PPP1R16B: variants seen among roughly 807,000 people sequenced by gnomAD.
PPP1R16B encodes protein phosphatase 1 regulatory subunit 16B, also known as protein phosphatase 1 regulatory inhibitor subunit 16B.
Under a neutral mutation model 61.7 loss-of-function variants are expected in PPP1R16B, and 14 were observed. The ratio of observed to expected loss-of-function variants is 0.23; its 90% CI spans 0.15 to 0.35. PPP1R16B has a LOEUF of 0.35. PPP1R16B is among the 10% of genes least tolerant of loss of function. PPP1R16B has a pLI of 1.00. For synonymous variants in PPP1R16B, 266 were observed against 305.3 expected, an observed-to-expected ratio of 0.87 and a Z score of 1.34; for missense variants, 547 against 752.5, an observed-to-expected ratio of 0.73 and a Z score of 3.19.
chr20:38,909,068 T>C (rs745625591), intron 10 of PPP1R16B, among the ~76,000 whole-genome samples: 1 of 152,120 alleles, frequency 6.6e-6, no homozygotes, highest in Non-Finnish European at 1.5e-5. Context: ...GTGGCATGAT[T>C]ATAGATCACT....
At chr20:38,903,067 G>A (rs985344220) in intron 6 of PPP1R16B, among the ~76,000 whole-genome samples, 1 of 152,186 alleles carries the variant, frequency 6.6e-6, no homozygotes, top group Non-Finnish European at 1.5e-5. Flanking sequence ...TTGAGCCTGG[G>A]AGTTTGAGTT....
intron 6 of PPP1R16B, among the ~76,000 whole-genome samples, chr20:38,903,972 G>A (rs947659353): frequency 3.3e-5 from 5 of 152,130 alleles, no homozygotes; most frequent in Non-Finnish European, 7.4e-5. Context: ...CAGCAGTCTC[G>A]GGATCTCGAG....
At chr20:38,896,754 A>AT (rs2145769118) in intron 4 of PPP1R16B, among the ~76,000 whole-genome samples, 1 of 152,280 alleles carries the variant, frequency 6.6e-6, no homozygotes, top group East Asian at 1.9e-4. Context: ...TGTACCCATC[A>AT]AACAGTAATT....
At chr20:38,851,768 C>T (rs2084970459) in intron 2 of PPP1R16B, among the ~76,000 whole-genome samples, 1 of 152,210 alleles carries the variant, frequency 6.6e-6, no homozygotes, top group South Asian at 2.1e-4. Context: ...TACCTGTAAT[C>T]CCAGCACTTT....
chr20:38,811,302 G>C (rs1296299940), intron 1 of PPP1R16B, among the ~76,000 whole-genome samples: 1 of 152,070 alleles, frequency 6.6e-6, no homozygotes, highest in East Asian at 1.9e-4. Flanking sequence ...CTTTTACATG[G>C]GGGCAAAGTT....
chr20:38,821,157 C>T (rs1007742090), intron 1 of PPP1R16B, among the ~76,000 whole-genome samples: 3 of 152,122 alleles, frequency 2.0e-5, no homozygotes, highest in Non-Finnish European at 4.4e-5. Flanking sequence ...TTGAGAACGT[C>T]TTTCCTAACA....
chr20:38,899,543 A>G (rs1306381343), intron 4 of PPP1R16B, among the ~76,000 whole-genome samples: 1 of 152,226 alleles, frequency 6.6e-6, no homozygotes, highest in African/African-American at 2.4e-5. Context: ...GGCCATTCTT[A>G]GGAACCACTG....
chr20:38,843,723 CAT>C (rs1314697138), intron 2 of PPP1R16B, among the ~76,000 whole-genome samples: 3 of 151,482 alleles, frequency 2.0e-5, no homozygotes, highest in Admixed American at 6.6e-5. Context: ...AAAACCACCA[CAT>C]GTTAACATAA....
In PPP1R16B at chr20:38,835,970, GA is replaced by G; in HGVS notation, c.47del (p.Lys16ArgfsTer19). On this transcript the variant is annotated frameshift_variant, in exon 2 of 11. Coordinates refer to ENST00000299824, the MANE Select transcript of PPP1R16B (RefSeq NM_015568.4). LOFTEE classifies it high-confidence loss of function. ...DLLTELQLLE[K>X]VPTLERLRAA... Reference sequence around the variant, plus strand: ...TGCTGACGGAGCTGCAGCTGCTGGAGAAGGTGCCCACGCTGGAGCGGCTGCG... The same window carrying G: ...TGCTGACGGAGCTGCAGCTGCTGGAGAGGTGCCCACGCTGGAGCGGCTGCG... 6.5e-7 allele frequency: 1 copy of G among 1,549,320 alleles called. No homozygotes were observed.
chr20:38,890,816 G>C (rs1451985882), intron 3 of PPP1R16B, among the ~76,000 whole-genome samples: 2 of 152,204 alleles, frequency 1.3e-5, no homozygotes, highest in Non-Finnish European at 2.9e-5. Flanking sequence ...CAGGCAACCA[G>C]AACCCTGGGC....
chr20:38,852,450 G>C (rs2084975190), intron 2 of PPP1R16B, among the ~76,000 whole-genome samples: 1 of 152,164 alleles, frequency 6.6e-6, no homozygotes, highest in Non-Finnish European at 1.5e-5. Context: ...AGAAACTGCT[G>C]TTGGTAGGCT....
chr20:38,831,599 T>C (rs951085040), intron 1 of PPP1R16B, among the ~76,000 whole-genome samples: 2 of 152,136 alleles, frequency 1.3e-5, no homozygotes, highest in Non-Finnish European at 2.9e-5. Flanking sequence ...TTGGGGACTA[T>C]GGTAATGGAG....
intron 2 of PPP1R16B, among the ~76,000 whole-genome samples, chr20:38,860,199 C>G (rs550026390): frequency 3.3e-5 from 5 of 152,124 alleles, no homozygotes; most frequent in Non-Finnish European, 7.4e-5. Context: ...AACTTCTGAC[C>G]TCAGGTGATC....
At chr20:38,902,970 T>A (rs1257274324) in intron 6 of PPP1R16B, among the ~76,000 whole-genome samples, 178 bp downstream of exon 6, 4 of 152,352 alleles carry the variant, frequency 2.6e-5, no homozygotes, top group Non-Finnish European at 2.9e-5. Flanking sequence ...GCTCAGCCTC[T>A]TTGAGAACCT....
intron 2 of PPP1R16B, among the ~76,000 whole-genome samples, chr20:38,863,237 A>G (rs1383953687): frequency 6.6e-6 from 1 of 152,172 alleles, no homozygotes; most frequent in East Asian, 1.9e-4. Context: ...CCCAGAAGGC[A>G]ACTTCCTGGG....
At chr20:38,859,234 T>A (rs541264495) in intron 2 of PPP1R16B, among the ~76,000 whole-genome samples, 1 of 152,088 alleles carries the variant, frequency 6.6e-6, no homozygotes, top group Non-Finnish European at 1.5e-5. Flanking sequence ...CCAGCACGGG[T>A]ATTCATGCTT....
chr20:38,864,998 G>T (rs1028957013), intron 2 of PPP1R16B, among the ~76,000 whole-genome samples: 1 of 152,186 alleles, frequency 6.6e-6, no homozygotes, highest in Non-Finnish European at 1.5e-5. Flanking sequence ...CATGCCGGTG[G>T]CCTCGGCCCT....
chr20:38,911,156 T>A (rs1454129216), intron 10 of PPP1R16B, among the ~76,000 whole-genome samples: 1 of 149,732 alleles, frequency 6.7e-6, no homozygotes, highest in East Asian at 2.0e-4. Context: ...TCATTCTTGT[T>A]TTTTTTTTCT....
intron 2 of PPP1R16B, among the ~76,000 whole-genome samples, chr20:38,873,885 C>T (rs112922750): frequency 5.3e-5 from 8 of 152,130 alleles, no homozygotes; most frequent in African/African-American, 1.9e-4. Context: ...TGTGCCACCA[C>T]ACTCGGCTAA....
Sources: allele counts gnomAD v4.1 joint callset (sites outside exome capture counted in the v4.1 genomes callset), GRCh38; gene constraint gnomAD v4.1.1; transcripts MANE v1.5; gene names NCBI Gene and HGNC (gene_info 2026-07-23, HGNC 2026-07-21).